WDR27: variants seen among roughly 807,000 people sequenced by gnomAD.
WDR27 encodes the protein WD repeat-containing protein 27.
In WDR27, 100 loss-of-function variants were observed where a neutral mutation model predicts 114.4. The ratio of observed to expected loss-of-function variants is 0.87; its 90% CI spans 0.74 to 1.03. WDR27 has a LOEUF of 1.03. WDR27 is among the 50% of genes least tolerant of loss of function. The pLI is 0.00. For missense variants in WDR27, 1,129 were observed against 1,092.9 expected, an observed-to-expected ratio of 1.03 and a Z score of -0.47; for synonymous variants, 449 against 423.1, an observed-to-expected ratio of 1.06 and a Z score of -0.75.
chr6:169,636,837 G>A (rs1280794690), intron 18 of WDR27, among the ~76,000 whole-genome samples: 5 of 152,200 alleles, frequency 3.3e-5, no homozygotes, highest in African/African-American at 9.6e-5. Context: ...TGAGGTGTCT[G>A]CTCTCAAATT....
chr6:169,460,796 T>C (rs143357906), intron 25 of WDR27, among the ~76,000 whole-genome samples: 63 of 152,316 alleles, frequency 4.1e-4, no homozygotes, highest in Non-Finnish European at 8.2e-4. Context: ...AAACTTGGCC[T>C]TCCATATATG....
chr6:169,568,321 A>C (rs1800825726), intron 25 of WDR27, among the ~76,000 whole-genome samples: 1 of 152,204 alleles, frequency 6.6e-6, no homozygotes, highest in Non-Finnish European at 1.5e-5. Context: ...TTCTGAAGGA[A>C]AAAAAACATT....
At chr6:169,651,183 C>CGGGGGGGGGGGGGGGGGGGGGG (rs763059214) in intron 14 of WDR27, among the ~76,000 whole-genome samples, 1 of 7,716 alleles carries the variant, frequency 1.3e-4, no homozygotes, top group Non-Finnish European at 2.5e-4. Flanking sequence ...CAGTGCGGGG[C>CGGGGGGGGGGGGGGGGGGGGGG]GGGGGGGGGG....
chr6:169,694,292 C>G (rs955239784), intron 1 of WDR27, among the ~76,000 whole-genome samples: 1 of 152,102 alleles, frequency 6.6e-6, no homozygotes, highest in Non-Finnish European at 1.5e-5. Flanking sequence ...GCCTGGGTGA[C>G]AAAAGCGAAA....
chr6:169,670,409 A>T (rs191011739), intron 4 of WDR27, 160 bp downstream of exon 4: 1 of 699,006 alleles, frequency 1.4e-6, no homozygotes, highest in Admixed American at 3.4e-5. Context: ...TCCAATTGCA[A>T]GATAAAGATA....
Position 169,668,032 on chromosome 6 carries a change from G to A in WDR27, c.610C>T (p.Pro204Ser), listed in dbSNP as rs1434782377. 4.3e-6 allele frequency: 7 copies of A among 1,613,870 alleles called. No homozygotes were observed. Among genetic ancestry groups the A allele is most frequent in the South Asian group, 3.3e-5 (3 of 91,078 alleles). Residue 204 changes from proline (P) to serine (S), a missense_variant, in exon 5 of 26, where the codon CCC becomes TCC. Coordinates refer to ENST00000448612, the MANE Select transcript of WDR27 (RefSeq NM_182552.5). ...GAGATGAGGGTGCCTGCTCGCCAGG[G>A]ACAGAACTCCACCGCAGTCACCGGG... is the stretch of plus-strand genomic sequence containing the variant. Reference protein sequence around the residue: ...LGPVTAVEFCPWRAGTLISAS... With the variant: ...LGPVTAVEFCSWRAGTLISAS...
Position 169,675,041 on chromosome 6 carries a change from G to C in WDR27, c.190-2645C>G, listed in dbSNP as rs189767899. ...GGCCATTTTCACTTCTTTTGTGGTG[G>C]AATGTCATCAGTTAAGGCAGGAACC... On this transcript the variant is annotated intron_variant, in intron 2 of 25. Coordinates refer to ENST00000448612, the MANE Select transcript of WDR27 (RefSeq NM_182552.5). Among the ~76,000 whole-genome samples the C allele has an allele frequency of 2.6e-5, 4 of 152,300 alleles. No individual in the cohort carries two copies. The East Asian group carries it at 7.7e-4, about 29-fold the overall frequency.
At chr6:169,540,472 C>T (rs896585733) in intron 25 of WDR27, among the ~76,000 whole-genome samples, 1 of 151,226 alleles carries the variant, frequency 6.6e-6, no homozygotes, top group Non-Finnish European at 1.5e-5. Context: ...CTCTGTCACC[C>T]AGGCTGGAGT....
chr6:169,591,357 C>A (rs1255413223), intron 23 of WDR27, among the ~76,000 whole-genome samples: 1 of 152,142 alleles, frequency 6.6e-6, no homozygotes, highest in Non-Finnish European at 1.5e-5. Flanking sequence ...GTCAATTACT[C>A]CATCTGAGAT....
rs58804837 is a variant in WDR27 at position 169,615,955 on chromosome 6, T to TAA, written c.2224-2301_2224-2300dup. ...TTTAAGAAAAGTTCTGAAAACCTAA[T>TAA]AAAAAAAAAAAAGTCAAAACTGAAA... On this transcript the variant is annotated intron_variant, in intron 21 of 25. Coordinates refer to ENST00000448612, the MANE Select transcript of WDR27 (RefSeq NM_182552.5). Among the ~76,000 whole-genome samples the TAA allele has an allele frequency of 3.1e-3, 441 of 144,458 alleles. 2 individuals carry two copies. Among genetic ancestry groups the TAA allele is most frequent in the African/African-American group, 8.1e-3 (320 of 39,482 alleles). 94.8% of individuals were successfully genotyped at this position (144,458 alleles called of 152,430 possible). A position where few individuals can be genotyped will look rare whatever the true frequency, so the allele number is the denominator to read the frequency against.
At chr6:169,682,953 G>T (rs1021375599) in intron 2 of WDR27, among the ~76,000 whole-genome samples, 8 of 152,118 alleles carry the variant, frequency 5.3e-5, no homozygotes, top group African/African-American at 1.9e-4. Flanking sequence ...ATCAACCACA[G>T]AATTCAGCAA....
Position 169,640,523 on chromosome 6 carries a change from A to T in WDR27, c.1748-1863T>A, listed in dbSNP as rs533569333. Among the ~76,000 whole-genome samples, 13 of 152,366 alleles carry T rather than the reference A, an allele frequency of 8.5e-5. No homozygotes were observed. In the South Asian group the frequency reaches 1.9e-3, roughly 22 times the overall value. ...CTCCAAACATTCCTCACTGCTGCCC[A>T]GCTAACAGCAGCTGCAAGACTCAAA... is the stretch of plus-strand genomic sequence containing the variant. On this transcript the variant is annotated intron_variant, in intron 17 of 25. Coordinates refer to ENST00000448612, the MANE Select transcript of WDR27 (RefSeq NM_182552.5).
rs774969550 is a variant in WDR27, at chr6:169,684,567, G to A, written c.189+4250C>T. Among the ~76,000 whole-genome samples, 29 of 152,188 alleles carry A rather than the reference G, an allele frequency of 1.9e-4. No homozygotes were observed. Among genetic ancestry groups the A allele is most frequent in the Admixed American group, 1.8e-3 (27 of 15,292 alleles). On this transcript the variant is annotated intron_variant, in intron 2 of 25. Transcript: ENST00000448612. The surrounding 1 kb of genome is among the most constrained non-coding windows in gnomAD (Gnocchi z 4.3). The stretch of plus-strand genomic sequence containing the variant: ...CCTGTTCCCATGTCCTGGGCCTATA[G>A]TAGCCCTGTGCCCACACCCAGGAGA...
At chr6:169,435,529 T>G in the WDR27 span, among the ~76,000 whole-genome samples, 3 of 152,180 alleles carry the variant, frequency 2.0e-5, no homozygotes, top group Non-Finnish European at 4.4e-5. Context: ...CCTGTATGAG[T>G]GTGACCTGGA....
At chr6:169,554,244 G>T in intron 25 of WDR27, among the ~76,000 whole-genome samples, 1 of 152,198 alleles carries the variant, frequency 6.6e-6, no homozygotes, top group Admixed American at 6.5e-5. Context: ...AGCCTCAGGG[G>T]CTGGAAGGAC....
chr6:169,699,428 A>C (rs1343065217), intron 1 of WDR27, among the ~76,000 whole-genome samples: 3 of 152,178 alleles, frequency 2.0e-5, no homozygotes, highest in Non-Finnish European at 4.4e-5. Flanking sequence ...TAGACACAGG[A>C]AGAACGACAA....
intron 25 of WDR27, among the ~76,000 whole-genome samples, chr6:169,536,891 G>A (rs1796261675): frequency 6.6e-6 from 1 of 152,104 alleles, no homozygotes; most frequent in South Asian, 2.1e-4. Context: ...AGGGATGTAG[G>A]TTATGAAACA....
intron 20 of WDR27, among the ~76,000 whole-genome samples, chr6:169,633,645 T>C (rs1584755376): frequency 6.6e-6 from 1 of 152,206 alleles, no homozygotes; most frequent in Admixed American, 6.5e-5. Flanking sequence ...AATGCTGTAG[T>C]AATGTGTATA....
At chr6:169,498,381 C>T (rs779922089) in intron 25 of WDR27, among the ~76,000 whole-genome samples, 1 of 152,046 alleles carries the variant, frequency 6.6e-6, no homozygotes, top group Non-Finnish European at 1.5e-5. Flanking sequence ...GATACACTAA[C>T]ATGATGAATG....
Sources: allele counts gnomAD v4.1 joint callset (sites outside exome capture counted in the v4.1 genomes callset), GRCh38; gene constraint gnomAD v4.1.1; non-coding constraint Gnocchi (gnomAD v3.1); transcripts MANE v1.5; gene names NCBI Gene and HGNC (gene_info 2026-07-23, HGNC 2026-07-21).